Variants in RBFOX1 observed in about 807,000 individuals in gnomAD.
RBFOX1 encodes the protein RNA binding protein fox-1 homolog 1.
Under a neutral mutation model 57.7 loss-of-function variants are expected in RBFOX1, and 8 were observed. That is an observed-to-expected ratio of 0.14 (90% CI 0.08 to 0.25). The LOEUF (loss-of-function observed/expected upper bound fraction) is 0.25, where lower values mean the gene tolerates loss of function less well. Among genes scored for constraint, RBFOX1 ranks in the 10% least tolerant of loss-of-function variants. RBFOX1 has a pLI of 1.00. For missense variants in RBFOX1, 611 were observed against 548.5 expected (o/e 1.11, Z -1.14); for synonymous variants, 326 against 222.4 (o/e 1.47, Z -4.15).
chr16:6,948,939 G>A (rs1277025381), intron 3 of RBFOX1, among the ~76,000 whole-genome samples: 8 of 152,102 alleles, frequency 5.3e-5, no homozygotes, highest in South Asian at 4.1e-4. Flanking sequence ...ACCATCCTAC[G>A]TTGTGTGGAC....
chr16:5,590,222 A>C (rs1012695785), intron 2 of RBFOX1, among the ~76,000 whole-genome samples: 2 of 152,192 alleles, frequency 1.3e-5, no homozygotes, highest in African/African-American at 2.4e-5. Flanking sequence ...CAGTCAAATA[A>C]ATTGCTGGAA....
intron 1 of RBFOX1, chr16:5,240,230 C>G (rs1487256523): frequency 2.7e-6 from 2 of 727,466 alleles, no homozygotes; most frequent in Admixed American, 2.0e-5. Flanking sequence ...AGTGGCAACT[C>G]CGGCGGGCGC....
intron 10 of RBFOX1, among the ~76,000 whole-genome samples, chr16:7,626,706 T>C (rs538996969): frequency 6.7e-6 from 1 of 149,132 alleles, no homozygotes; most frequent in Non-Finnish European, 1.5e-5. Context: ...ACATGTAGTG[T>C]GTAAATCTAT....
At chr16:6,940,285 T>C (rs1330004886) in intron 3 of RBFOX1, among the ~76,000 whole-genome samples, 2 of 152,204 alleles carry the variant, frequency 1.3e-5, no homozygotes, top group African/African-American at 4.8e-5. Flanking sequence ...GCTGCCCATA[T>C]AGGAAGGGGC....
chr16:5,508,724 G>A (rs1014177057), intron 2 of RBFOX1, among the ~76,000 whole-genome samples: 4 of 152,134 alleles, frequency 2.6e-5, no homozygotes, highest in African/African-American at 9.6e-5. Flanking sequence ...AAGGTGGGGC[G>A]GGGGAGATTG....
intron 4 of RBFOX1, among the ~76,000 whole-genome samples, chr16:7,281,698 A>T (rs2095547274): frequency 6.6e-6 from 1 of 152,122 alleles, no homozygotes; most frequent in Non-Finnish European, 1.5e-5. Context: ...AGTCATCATA[A>T]ACTGAGTGAC....
intron 1 of RBFOX1, among the ~76,000 whole-genome samples, chr16:6,064,337 A>T (rs1456056512): frequency 6.6e-6 from 1 of 152,174 alleles, no homozygotes; most frequent in Non-Finnish European, 1.5e-5. Context: ...TCCAAATGCA[A>T]GCATGAGTGC....
At chr16:6,577,915 A>G (rs1259013278) in intron 2 of RBFOX1, among the ~76,000 whole-genome samples, 1 of 152,226 alleles carries the variant, frequency 6.6e-6, no homozygotes, top group Admixed American at 6.5e-5. Flanking sequence ...CTGCAATGTC[A>G]TACAAATGAG....
At chr16:7,644,366 A>G (rs1741386128) in intron 11 of RBFOX1, among the ~76,000 whole-genome samples, 1 of 152,180 alleles carries the variant, frequency 6.6e-6, no homozygotes, top group Admixed American at 6.5e-5. Context: ...TCTCCACCTG[A>G]TAATGGAGCC....
chr16:7,253,582 CTGAA>C (rs1432253248), intron 4 of RBFOX1, among the ~76,000 whole-genome samples: 2 of 152,294 alleles, frequency 1.3e-5, no homozygotes, highest in South Asian at 2.1e-4. Flanking sequence ...TCTCCTCTGT[CTGAA>C]TGCTCTCATT....
chr16:7,400,354 T>A (rs1321743745), intron 4 of RBFOX1, among the ~76,000 whole-genome samples: 2 of 152,148 alleles, frequency 1.3e-5, no homozygotes, highest in South Asian at 2.1e-4. Flanking sequence ...ACTGAACCCA[T>A]CTTTAAGGAA....
chr16:6,134,998 C>G (rs2096656483), intron 1 of RBFOX1, among the ~76,000 whole-genome samples: 1 of 152,264 alleles, frequency 6.6e-6, no homozygotes, highest in South Asian at 2.1e-4. Context: ...GTCCCCCCTC[C>G]CCTGACCCCA....
At chr16:6,753,730 G>A (rs1010809372) in intron 3 of RBFOX1, among the ~76,000 whole-genome samples, 2 of 118,292 alleles carry the variant, frequency 1.7e-5, no homozygotes, top group Non-Finnish European at 4.0e-5. Context: ...CAGAGTTAGC[G>A]GAGCAGCAGC....
intron 1 of RBFOX1, among the ~76,000 whole-genome samples, chr16:5,323,987 T>G (rs535959245): frequency 6.6e-6 from 1 of 152,372 alleles, no homozygotes; most frequent in African/African-American, 2.4e-5. Context: ...TAGTGCTTAA[T>G]GATTTTGAAA....
intron 3 of RBFOX1, among the ~76,000 whole-genome samples, chr16:6,656,119 T>G (rs751670199): frequency 5.3e-5 from 8 of 152,142 alleles, no homozygotes; most frequent in Non-Finnish European, 1.2e-4. Flanking sequence ...ATTTAGTGAG[T>G]TGGACAGATG....
At chr16:6,798,162 C>T (rs900458780) in intron 3 of RBFOX1, among the ~76,000 whole-genome samples, 4 of 152,098 alleles carry the variant, frequency 2.6e-5, no homozygotes, top group Non-Finnish European at 4.4e-5. Context: ...CAAATGAAAG[C>T]AGGGCGTTTC....
At chr16:5,933,039 A>G (rs952756674) in intron 4 of RBFOX1, among the ~76,000 whole-genome samples, 12 of 152,250 alleles carry the variant, frequency 7.9e-5, no homozygotes, top group African/African-American at 2.9e-4. Context: ...CCCAGAGCCG[A>G]GGAAGCTGCA....
intron 3 of RBFOX1, among the ~76,000 whole-genome samples, chr16:6,904,332 G>A (rs1300258666): frequency 6.6e-6 from 1 of 152,024 alleles, no homozygotes; most frequent in Non-Finnish European, 1.5e-5. Flanking sequence ...CAGGTGGGCT[G>A]GCTCATGCCT....
At chr16:7,308,273 G>A (rs1457428208) in intron 4 of RBFOX1, among the ~76,000 whole-genome samples, 1 of 148,074 alleles carries the variant, frequency 6.8e-6, no homozygotes, top group African/African-American at 2.5e-5. Flanking sequence ...GATGCAAACT[G>A]CGTGTCAGAT....
Sources: allele counts gnomAD v4.1 joint callset (sites outside exome capture counted in the v4.1 genomes callset), GRCh38; gene constraint gnomAD v4.1.1; transcripts MANE v1.5; gene names NCBI Gene and HGNC (gene_info 2026-07-23, HGNC 2026-07-21).